PTPRD: variants seen among roughly 807,000 people sequenced by gnomAD.
The protein encoded by PTPRD is protein tyrosine phosphatase receptor type D.
PTPRD carries 34 observed loss-of-function variants against 214.5 expected under a neutral mutation model. The ratio of observed to expected loss-of-function variants is 0.16; its 90% CI spans 0.12 to 0.21. The LOEUF (loss-of-function observed/expected upper bound fraction) is 0.21. PTPRD is among the 10% of genes least tolerant of loss of function. PTPRD has a pLI of 1.00. For missense variants in PTPRD, 2,545 were observed against 2,398.7 expected, an observed-to-expected ratio of 1.06 and a Z score of -1.27; for synonymous variants, 1,128 against 845.7, an observed-to-expected ratio of 1.33 and a Z score of -5.79.
intron 4 of PTPRD, among the ~76,000 whole-genome samples, chr9:10,028,901 G>C (rs974787322): frequency 1.3e-5 from 2 of 152,174 alleles, no homozygotes; most frequent in Non-Finnish European, 2.9e-5. Flanking sequence ...TCCAGGGCAT[G>C]TCAGAGGTCT....
intron 44 of PTPRD, among the ~76,000 whole-genome samples, chr9:8,321,566 A>C (rs1442276176): frequency 7.0e-6 from 1 of 143,638 alleles, no homozygotes; most frequent in Non-Finnish European, 1.5e-5. Context: ...CATTATACTA[A>C]AGGAATATTA....
chr9:9,496,791 C>T (rs1000359526), intron 8 of PTPRD, among the ~76,000 whole-genome samples: 4 of 152,058 alleles, frequency 2.6e-5, no homozygotes, highest in African/African-American at 9.7e-5. Flanking sequence ...CTTGAAGAGA[C>T]ATTTATACAC....
intron 4 of PTPRD, among the ~76,000 whole-genome samples, chr9:10,009,295 T>C (rs1410969593): frequency 6.6e-6 from 1 of 151,566 alleles, no homozygotes; most frequent in African/African-American, 2.4e-5. Context: ...CAAGAGGTTC[T>C]GAAAACAAGT....
intron 11 of PTPRD, among the ~76,000 whole-genome samples, chr9:8,841,715 A>AC (rs1300718347): frequency 6.6e-6 from 1 of 151,516 alleles, no homozygotes; most frequent in African/African-American, 2.4e-5. Flanking sequence ...AGTGACTTAA[A>AC]AAAAAAATGA....
At chr9:8,375,445 T>C (rs2082941997) in intron 39 of PTPRD, among the ~76,000 whole-genome samples, 1 of 152,056 alleles carries the variant, frequency 6.6e-6, no homozygotes, top group Admixed American at 6.6e-5. Flanking sequence ...TGATTTGTCA[T>C]GAGACTTGAT....
chr9:8,636,014 C>G (rs1241644828), intron 13 of PTPRD, among the ~76,000 whole-genome samples: 1 of 152,188 alleles, frequency 6.6e-6, no homozygotes, highest in African/African-American at 2.4e-5. Context: ...ATAGGTTTCT[C>G]TGCAATATCA....
chr9:10,580,507 T>G (rs1173435872), intron 2 of PTPRD, among the ~76,000 whole-genome samples: 1 of 152,188 alleles, frequency 6.6e-6, no homozygotes, highest in African/African-American at 2.4e-5. Context: ...TTTAATTGCA[T>G]AAAATTTTGT....
chr9:9,589,123 T>G (rs1319917882), intron 7 of PTPRD, among the ~76,000 whole-genome samples: 1 of 151,968 alleles, frequency 6.6e-6, no homozygotes, highest in Non-Finnish European at 1.5e-5. Context: ...GGAGAAATAT[T>G]TGTTTCTAAA....
chr9:8,374,016 G>C (rs527510151), intron 39 of PTPRD, among the ~76,000 whole-genome samples: 1 of 151,274 alleles, frequency 6.6e-6, no homozygotes, highest in East Asian at 2.0e-4. Flanking sequence ...GAAATGCAAT[G>C]TGAAAAAAAT....
In PTPRD at chr9:8,980,531, T is replaced by A. The variant is rs1031822130; in HGVS notation, c.-104+38166A>T. ...ATAAAATTTATTTTTAAAAAGTCTA[T>A]TGGAAAATAACATTAGGTTTCTAGA... On this transcript the variant is annotated intron_variant, in intron 11 of 45. Coordinates refer to ENST00000381196, the MANE Select transcript of PTPRD (RefSeq NM_002839.4). Among the ~76,000 whole-genome samples the A allele has an allele frequency of 8.5e-5, 13 of 152,222 alleles. No homozygotes were observed. The South Asian group carries it at 2.5e-3, about 29-fold the overall frequency.
chr9:10,390,671 C>A (rs1156343395), intron 2 of PTPRD, among the ~76,000 whole-genome samples: 2 of 151,582 alleles, frequency 1.3e-5, no homozygotes, highest in Admixed American at 1.3e-4. Context: ...CTTTTCTCTT[C>A]AAGATGGGGA....
chr9:10,115,761 T>C (rs1238759741), intron 3 of PTPRD, among the ~76,000 whole-genome samples: 1 of 152,154 alleles, frequency 6.6e-6, no homozygotes, highest in African/African-American at 2.4e-5. Flanking sequence ...TAGTGTGATA[T>C]AACAGAGTTA....
At chr9:8,572,120 T>G (rs1336280184) in intron 14 of PTPRD, among the ~76,000 whole-genome samples, 1 of 152,150 alleles carries the variant, frequency 6.6e-6, no homozygotes, top group South Asian at 2.1e-4. Context: ...AAAGAGCTCA[T>G]TTAATATTAA....
chr9:9,221,287 G>A (rs1412389489), intron 9 of PTPRD, among the ~76,000 whole-genome samples: 1 of 152,018 alleles, frequency 6.6e-6, no homozygotes, highest in Non-Finnish European at 1.5e-5. Flanking sequence ...GATAGAATTC[G>A]GAGCAACAGG....
intron 3 of PTPRD, among the ~76,000 whole-genome samples, chr9:10,326,793 C>T (rs181266421): frequency 1.5e-3 from 222 of 151,448 alleles, no homozygotes; most frequent in African/African-American, 5.2e-3. Flanking sequence ...GGGCTCTCTA[C>T]CGGTTTGTTT....
chr9:9,975,017 C>A (rs2095299549), intron 4 of PTPRD, among the ~76,000 whole-genome samples: 1 of 151,816 alleles, frequency 6.6e-6, no homozygotes, highest in Non-Finnish European at 1.5e-5. Context: ...AATAAATGCT[C>A]AAAATTTGAG....
intron 36 of PTPRD, among the ~76,000 whole-genome samples, 189 bp from the exon 37 acceptor site, chr9:8,389,596 T>C (rs914621566): frequency 6.6e-6 from 1 of 152,040 alleles, no homozygotes. Context: ...AAAAAAAGTA[T>C]GCAAAAAAGT....
intron 2 of PTPRD, among the ~76,000 whole-genome samples, chr9:10,394,736 A>T (rs1412074632): frequency 6.6e-6 from 1 of 151,596 alleles, no homozygotes; most frequent in Admixed American, 6.6e-5. Flanking sequence ...ATGTACAATG[A>T]TTTAAAATAA....
At chr9:8,779,777 G>A (rs536986885) in intron 11 of PTPRD, among the ~76,000 whole-genome samples, 2 of 151,226 alleles carry the variant, frequency 1.3e-5, no homozygotes, top group African/African-American at 2.4e-5. Flanking sequence ...GGCCCAAGAA[G>A]GCATATTTGC....
Sources: gnomAD v4.1 joint callset for allele counts (sites outside exome capture counted in the v4.1 genomes callset) on GRCh38, gnomAD v4.1.1 for gene constraint, MANE v1.5 for transcripts, NCBI Gene and HGNC (gene_info 2026-07-23, HGNC 2026-07-21) for gene names.